Variants in SEMA3C observed in about 807,000 individuals in gnomAD.
SEMA3C encodes the protein semaphorin-3C.
SEMA3C carries 47 observed loss-of-function variants against 89.4 expected under a neutral mutation model. The ratio of observed to expected loss-of-function variants is 0.53; its 90% CI spans 0.42 to 0.67. The LOEUF is 0.67. Among genes scored for constraint, SEMA3C ranks in the 30% least tolerant of loss-of-function variants. The pLI is 0.00. For synonymous variants in SEMA3C, 310 were observed against 320.2 expected (o/e 0.97, Z 0.34); for missense variants, 839 against 929.1 (o/e 0.90, Z 1.26).
intron 5 of SEMA3C, 103 bp downstream of exon 5, chr7:80,818,196 T>A (rs908480759): frequency 1.8e-6 from 2 of 1,120,886 alleles, no homozygotes; most frequent in East Asian, 5.1e-5. Flanking sequence ...GGCATGAAAA[T>A]ATTTTATGAA....
chr7:80,772,126 T>C (rs1008846785), intron 12 of SEMA3C, among the ~76,000 whole-genome samples: 4 of 152,182 alleles, frequency 2.6e-5, no homozygotes, highest in Non-Finnish European at 4.4e-5. Flanking sequence ...GAATGCTTAA[T>C]AGAGATGAGG....
chr7:80,797,101 G>C (rs1789083369), intron 11 of SEMA3C, among the ~76,000 whole-genome samples: 1 of 151,816 alleles, frequency 6.6e-6, no homozygotes, highest in African/African-American at 2.4e-5. Flanking sequence ...TGTATCTTTT[G>C]ATTTTTAAAA....
At chr7:80,812,629 A>G (rs2115726553) in intron 5 of SEMA3C, among the ~76,000 whole-genome samples, 1 of 152,220 alleles carries the variant, frequency 6.6e-6, no homozygotes, top group African/African-American at 2.4e-5. Flanking sequence ...CTAGATCTAG[A>G]TCACCCCCAC....
intron 13 of SEMA3C, among the ~76,000 whole-genome samples, chr7:80,762,742 GGCAGAGGTT>G (rs1293106297): frequency 9.9e-5 from 15 of 152,176 alleles, no homozygotes; most frequent in Admixed American, 9.8e-4. Context: ...GAACCCAGGA[GGCAGAGGTT>G]GCAGTGAGCC....
intron 2 of SEMA3C, among the ~76,000 whole-genome samples, chr7:80,850,602 G>A (rs1790488268): frequency 6.6e-6 from 1 of 152,130 alleles, no homozygotes; most frequent in African/African-American, 2.4e-5. Context: ...TTATATTCAG[G>A]GAGAAGGGAG....
chr7:80,763,173 T>A (rs73137704), intron 13 of SEMA3C, among the ~76,000 whole-genome samples: 2 of 152,312 alleles, frequency 1.3e-5, no homozygotes, highest in Admixed American at 6.5e-5. Flanking sequence ...AAGAAGAGAT[T>A]ATGGTCCTGC....
At chr7:80,851,463 C>T (rs1790510056) in intron 2 of SEMA3C, among the ~76,000 whole-genome samples, 1 of 145,924 alleles carries the variant, frequency 6.9e-6, no homozygotes, top group African/African-American at 2.6e-5. Flanking sequence ...GAGGTCGTGC[C>T]ACTGCGCTCC....
At chr7:80,816,176 C>T (rs1583905394) in intron 5 of SEMA3C, 2 of 152,052 alleles carry the variant, frequency 1.3e-5, no homozygotes, top group South Asian at 2.1e-4. Flanking sequence ...TGGGGTATAA[C>T]AAAAGCATGT....
chr7:80,911,478 C>T (rs891072522), intron 2 of SEMA3C, among the ~76,000 whole-genome samples: 2 of 152,048 alleles, frequency 1.3e-5, no homozygotes, highest in African/African-American at 4.8e-5. Flanking sequence ...TATATGTGAA[C>T]AACATATCAA....
At chr7:80,837,514 G>T (rs1481926240) in intron 2 of SEMA3C, among the ~76,000 whole-genome samples, 1 of 152,146 alleles carries the variant, frequency 6.6e-6, no homozygotes, top group African/African-American at 2.4e-5. Context: ...GGCCTCCTAT[G>T]ATCTAGTTCC....
At chr7:80,795,074 G>A (rs1055562205) in intron 11 of SEMA3C, among the ~76,000 whole-genome samples, 5 of 152,192 alleles carry the variant, frequency 3.3e-5, no homozygotes, top group Non-Finnish European at 4.4e-5. Flanking sequence ...GGGAAATAAA[G>A]TAGGAAAATC....
chr7:80,762,258 C>T (rs1199312719), intron 13 of SEMA3C, among the ~76,000 whole-genome samples: 2 of 152,092 alleles, frequency 1.3e-5, no homozygotes, highest in South Asian at 2.1e-4. Flanking sequence ...TGGAATGGTA[C>T]ACCATCTAAT....
chr7:80,794,644 A>G (rs1220875571), intron 11 of SEMA3C, among the ~76,000 whole-genome samples: 1 of 151,386 alleles, frequency 6.6e-6, no homozygotes, highest in African/African-American at 2.5e-5. Flanking sequence ...ACTCTGTTAT[A>G]CTTATAAAGA....
intron 5 of SEMA3C, among the ~76,000 whole-genome samples, chr7:80,814,840 C>A (rs1019799655): frequency 4.6e-5 from 7 of 152,150 alleles, no homozygotes; most frequent in African/African-American, 1.4e-4. Flanking sequence ...ATTTTATACT[C>A]TCTGTCACCA....
chr7:80,805,534 G>T, intron 7 of SEMA3C, 105 bp downstream of exon 7: 1 of 891,614 alleles, frequency 1.1e-6, no homozygotes, highest in Non-Finnish European at 1.7e-6. Context: ...TCATGTAATA[G>T]CCTGCTATTT....
At chr7:80,794,245 CCTAGGGCAAGCT>C (rs1254577031) in intron 11 of SEMA3C, among the ~76,000 whole-genome samples, 1 of 151,954 alleles carries the variant, frequency 6.6e-6, no homozygotes, top group African/African-American at 2.4e-5. Context: ...GTCCAATCAC[CCTAGGGCAAGCT>C]CAATCTCACA....
intron 11 of SEMA3C, among the ~76,000 whole-genome samples, chr7:80,791,839 C>T (rs1052391083): frequency 3.9e-5 from 6 of 152,198 alleles, no homozygotes; most frequent in African/African-American, 1.4e-4. Flanking sequence ...CCAATGTTGT[C>T]AGGCAGGCCT....
intron 12 of SEMA3C, among the ~76,000 whole-genome samples, chr7:80,777,378 A>G (rs1280635680): frequency 6.6e-6 from 1 of 151,776 alleles, no homozygotes; most frequent in African/African-American, 2.4e-5. Context: ...TGCAACCTCT[A>G]CCTCCCGGGT....
At chr7:80,828,956 G>A (rs1562894710) in intron 2 of SEMA3C, among the ~76,000 whole-genome samples, 1 of 152,032 alleles carries the variant, frequency 6.6e-6, no homozygotes, top group Non-Finnish European at 1.5e-5. Context: ...TGAAGCCAGG[G>A]GTTCAAGGCC....
Sources: gnomAD v4.1 joint callset for allele counts (sites outside exome capture counted in the v4.1 genomes callset) on GRCh38, gnomAD v4.1.1 for gene constraint, MANE v1.5 for transcripts, NCBI Gene and HGNC (gene_info 2026-07-23, HGNC 2026-07-21) for gene names.